Variants in ZNF536 observed in about 807,000 individuals in gnomAD.
The protein encoded by ZNF536 is zinc finger protein 536.
Under a neutral mutation model 84.5 loss-of-function variants are expected in ZNF536, and 13 were observed. That is an observed-to-expected ratio of 0.15 (90% CI 0.10 to 0.24). ZNF536 has a LOEUF of 0.24. Ranked by LOEUF, ZNF536 falls within the 10% of genes least tolerant of loss-of-function variation. ZNF536 has a pLI of 1.00. For missense variants in ZNF536, 1,536 were observed against 1,747.5 expected (o/e 0.88, Z 2.16); for synonymous variants, 811 against 742.5 (o/e 1.09, Z -1.50).
At chr19:30,703,287 G>A (rs1274363624) in intron 1 of ZNF536, among the ~76,000 whole-genome samples, 2 of 152,152 alleles carry the variant, frequency 1.3e-5, no homozygotes, top group Non-Finnish European at 2.9e-5. Context: ...GAGATGAGGA[G>A]GGGGGATGCT....
rs185287903 is a variant in ZNF536, at chr19:30,440,204, G to A, written c.-2-3357G>A. 2.4e-3 allele frequency among the ~76,000 whole-genome samples: 360 copies of A among 151,738 alleles called. 1 individual carries two copies. Among genetic ancestry groups the A allele is most frequent in the African/African-American group, 8.2e-3 (339 of 41,376 alleles). Reference sequence around the variant, plus strand: ...GCGAACTCCTGACTTCAAGTGATCCGCCCACCTCAGTCTCCCAAAGTGCTG... The same window carrying A: ...GCGAACTCCTGACTTCAAGTGATCCACCCACCTCAGTCTCCCAAAGTGCTG... On this transcript the variant is annotated intron_variant, in intron 1 of 4. Coordinates refer to ENST00000355537, the MANE Select transcript of ZNF536 (RefSeq NM_014717.3).
At chr19:30,418,278 C>T (rs1188211202) in intron 1 of ZNF536, among the ~76,000 whole-genome samples, 1 of 152,096 alleles carries the variant, frequency 6.6e-6, no homozygotes, top group Non-Finnish European at 1.5e-5. Context: ...ATGAAGGAGA[C>T]ATCTGTGACC....
In ZNF536 at chr19:30,286,548, A is replaced by AGAGAGAG. The variant is rs1568305284; in HGVS notation, c.-120+2407_-120+2408insGAGAGAG. Among the ~76,000 whole-genome samples, 746 of 92,542 alleles carry AGAGAGAG rather than the reference A, an allele frequency of 8.1e-3. 9 individuals carry two copies. Among genetic ancestry groups the AGAGAGAG allele is most frequent in the African/African-American group, 0.032 (696 of 21,498 alleles). The allele number at this position is 92,542 out of a possible 152,430, so 60.7% of individuals were successfully genotyped here. A position where few individuals can be genotyped will look rare whatever the true frequency, so the allele number is the denominator to read the frequency against. ...ACAGAGACAGAGAGAGAGAGAGAGA[A>AGAGAGAG]AGAGAGAGACCGAGAGAGACAGAAA... On this transcript the variant is annotated intron_variant, in intron 2 of 5. Transcript: ENST00000585628.
intron 2 of ZNF536, among the ~76,000 whole-genome samples, chr19:30,295,705 G>A (rs1321889030): frequency 1.3e-5 from 2 of 152,146 alleles, no homozygotes; most frequent in Non-Finnish European, 2.9e-5. Context: ...TTTACACAGT[G>A]AGCAGCCTTG....
intron 1 of ZNF536, among the ~76,000 whole-genome samples, chr19:30,655,258 GT>G (rs1238264400): frequency 6.6e-6 from 1 of 152,218 alleles, no homozygotes. Context: ...CTGCATAGGG[GT>G]AGCCGGGTGA....
chr19:30,412,301 A>T (rs1003915812), intron 1 of ZNF536, among the ~76,000 whole-genome samples: 7 of 151,960 alleles, frequency 4.6e-5, no homozygotes, highest in African/African-American at 1.7e-4. Context: ...TGCTAGCTTT[A>T]ACAGAAATAA....
chr19:30,492,531 A>T (rs73536726), intron 2 of ZNF536, among the ~76,000 whole-genome samples: 7,559 of 152,288 alleles, frequency 0.05, 318 homozygotes, highest in African/African-American at 0.11. Context: ...AAGGTCAGAT[A>T]GTATTTATTA....
chr19:30,226,094 G>A (rs577630381), upstream of ZNF536, among the ~76,000 whole-genome samples: 2 of 151,928 alleles, frequency 1.3e-5, no homozygotes, highest in African/African-American at 4.8e-5. This position sits in a 1 kb window ranked among gnomAD's most constrained non-coding sequence, Gnocchi z 4.6. Flanking sequence ...AAGGAGTCCC[G>A]AGGCCTGGCG....
chr19:30,261,813 G>A (rs2025242159), intron 1 of ZNF536, among the ~76,000 whole-genome samples: 1 of 152,136 alleles, frequency 6.6e-6, no homozygotes, highest in African/African-American at 2.4e-5. Context: ...AACTGTGAAA[G>A]GGGGCTGTGG....
At chr19:30,401,225 C>T (rs558589206) in intron 1 of ZNF536, among the ~76,000 whole-genome samples, 6 of 152,266 alleles carry the variant, frequency 3.9e-5, no homozygotes, top group African/African-American at 1.2e-4. Context: ...TTCCATTGAT[C>T]TATCTATTTT....
intron 1 of ZNF536, among the ~76,000 whole-genome samples, chr19:30,610,941 C>T (rs1156321391): frequency 6.6e-6 from 1 of 152,216 alleles, no homozygotes; most frequent in Non-Finnish European, 1.5e-5. Flanking sequence ...TTTACCTTCA[C>T]AGTACCTGCC....
At chr19:30,263,473 A>G (rs918698215) in intron 1 of ZNF536, among the ~76,000 whole-genome samples, 1 of 152,012 alleles carries the variant, frequency 6.6e-6, no homozygotes, top group Admixed American at 6.6e-5. Context: ...GGAGCTGCCC[A>G]TTGCTGAGGA....
intron 1 of ZNF536, among the ~76,000 whole-genome samples, chr19:30,418,816 A>G (rs1054152052): frequency 2.0e-5 from 3 of 152,174 alleles, no homozygotes; most frequent in Non-Finnish European, 4.4e-5. Context: ...GGTTATTATT[A>G]TTTTAAACTC....
intron 1 of ZNF536, among the ~76,000 whole-genome samples, chr19:30,267,694 A>G (rs2025586966): frequency 6.6e-6 from 1 of 152,156 alleles, no homozygotes; most frequent in Admixed American, 6.5e-5. Context: ...CTTCAGACAC[A>G]GGGAGTATCA....
intron 2 of ZNF536, among the ~76,000 whole-genome samples, chr19:30,330,346 T>C (rs1208904156): frequency 2.0e-5 from 3 of 152,186 alleles, no homozygotes; most frequent in Non-Finnish European, 4.4e-5. Context: ...AGTGGTCAGT[T>C]TCTTGCACAC....
At position 30,445,759 on chromosome 19, in the gene ZNF536, G is replaced by T. The variant is rs2148238079; in HGVS notation, c.2170+27G>T. 6.5e-7 allele frequency: 1 copy of T among 1,531,098 alleles called. No homozygotes were observed. Among genetic ancestry groups the T allele is most frequent in the Non-Finnish European group, 8.8e-7 (1 of 1,139,962 alleles). The allele number at this position is 1,531,098 out of a possible 1,614,324, so 94.8% of individuals were successfully genotyped here. Reference sequence around the variant, plus strand: ...TAGGTTAGCTGAGAAGCGGGGAGAAGCAGCTTGTACAGCAGCCCTGCTCAG... The same window carrying T: ...TAGGTTAGCTGAGAAGCGGGGAGAATCAGCTTGTACAGCAGCCCTGCTCAG... On this transcript the variant is annotated intron_variant, in intron 2 of 4. Transcript: ENST00000355537. This position sits in a 1 kb window ranked among gnomAD's most constrained non-coding sequence, Gnocchi z 4.5.
intron 1 of ZNF536, among the ~76,000 whole-genome samples, chr19:30,394,148 T>A (rs1282869726): frequency 1.3e-5 from 2 of 152,142 alleles, no homozygotes; most frequent in African/African-American, 4.8e-5. Context: ...CCTGTAACAA[T>A]GAACACACGG....
intron 1 of ZNF536, among the ~76,000 whole-genome samples, chr19:30,687,948 C>T (rs183709699): frequency 1.7e-4 from 26 of 149,808 alleles, no homozygotes; most frequent in African/African-American, 5.4e-4. Context: ...GATTTTATTA[C>T]GTGTAGAGAA....
chr19:30,709,800 G>A (rs1393761624), intron 1 of ZNF536, among the ~76,000 whole-genome samples: 2 of 152,064 alleles, frequency 1.3e-5, no homozygotes, highest in South Asian at 2.1e-4. Context: ...AATTTTTTTT[G>A]TACAGACAGT....
Sources: allele counts gnomAD v4.1 joint callset (sites outside exome capture counted in the v4.1 genomes callset), GRCh38; gene constraint gnomAD v4.1.1; non-coding constraint Gnocchi (gnomAD v3.1); transcripts MANE v1.5; gene names NCBI Gene and HGNC (gene_info 2026-07-23, HGNC 2026-07-21).